BTAF1: variants seen among roughly 807,000 people sequenced by gnomAD.
BTAF1 encodes the protein TATA-binding protein-associated factor 172.
BTAF1 carries 38 observed loss-of-function variants against 227.1 expected under a neutral mutation model. That is an observed-to-expected ratio of 0.17 (90% CI 0.13 to 0.22). BTAF1 has a LOEUF of 0.22. BTAF1 is among the 10% of genes least tolerant of loss of function. The pLI, the probability that BTAF1 is intolerant of heterozygous loss-of-function variation, is 1.00. For synonymous variants in BTAF1, 742 were observed against 751.9 expected (o/e 0.99, Z 0.21); for missense variants, 1,598 against 2,204.0 (o/e 0.73, Z 5.51).
intron 25 of BTAF1, among the ~76,000 whole-genome samples, chr10:92,003,518 G>T (rs1240475363): frequency 1.3e-5 from 2 of 152,130 alleles, no homozygotes; most frequent in Admixed American, 1.3e-4. Context: ...TTCTGTGCCT[G>T]GCTGGTTTCC....
chr10:91,991,279 T>TATATATATATAAAA (rs1554860277), intron 20 of BTAF1, among the ~76,000 whole-genome samples: 31 of 98,436 alleles, frequency 3.1e-4, no homozygotes, highest in African/African-American at 9.2e-4. Context: ...TAAATATATA[T>TATATATATATAAAA]ATATATATAT....
At position 92,008,087 on chromosome 10, in the gene BTAF1, A is replaced by G. The variant is rs1750388753; in HGVS notation, c.3661-36A>G. On this transcript the variant is annotated intron_variant, in intron 25 of 37. Transcript: ENST00000265990. ...TGATCTAAGAATGAAAACTGTGAGTACGTAGTTTTTAATAACTTTAAAAAA... is the reference window on the plus strand; with the variant it reads ...TGATCTAAGAATGAAAACTGTGAGTGCGTAGTTTTTAATAACTTTAAAAAA... 4 of 1,520,902 alleles carry G rather than the reference A, an allele frequency of 2.6e-6. No individual in the cohort carries two copies. In the South Asian group the frequency reaches 5.1e-5, roughly 19 times the overall value. The allele number at this position is 1,520,902 out of a possible 1,614,324, so 94.2% of individuals were successfully genotyped here.
Position 91,951,532 on chromosome 10 carries a change from C to A in BTAF1, c.530C>A (p.Thr177Asn). The change falls in exon 5 of 38, where the codon ACC becomes AAC. Residue 177 changes from threonine to asparagine, a missense_variant. By Grantham distance (65) the Thr-to-Asn change is moderately conservative. This residue lies in a region of BTAF1 where 298 missense variants were observed against 395.2 expected (regional missense o/e 0.75). Transcript: ENST00000265990. ...TTCAATGATGAGGATTTGGATTATA[C>A]CCCAACTTCAGCATCCTTTGTTAAC... ...ELFNDEDLDY[T>N]PTSASFVNKQ... The A allele has an allele frequency of 6.2e-7, 1 of 1,606,686 alleles. No individual in the cohort carries two copies. Among genetic ancestry groups the A allele is most frequent in the South Asian group, 1.1e-5 (1 of 88,586 alleles).
At position 92,010,151 on chromosome 10, in the gene BTAF1, A is replaced by G. The variant is rs189058229; in HGVS notation, c.4104-922A>G. Among the ~76,000 whole-genome samples the G allele has an allele frequency of 3.6e-3, 554 of 152,294 alleles. 4 individuals are homozygous for G. The highest frequency in any genetic ancestry group is 0.013 in the African/African-American group (525 of 41,554). The stretch of plus-strand genomic sequence containing the variant: ...TATTCTCACAGTCACTTTATGAGGT[A>G]GGAATACTGTTGTTCCAATTTGCAA... On this transcript the variant is annotated intron_variant, in intron 28 of 37. Transcript: ENST00000265990.
intron 16 of BTAF1, 145 bp downstream of exon 16, chr10:91,981,937 A>C: frequency 7.4e-7 from 1 of 1,346,416 alleles, no homozygotes; most frequent in Non-Finnish European, 9.9e-7. Flanking sequence ...GGACCCTGAC[A>C]AAATGAATAG....
At chr10:91,969,934 CT>C (rs1475878596) in intron 14 of BTAF1, among the ~76,000 whole-genome samples, 2 of 151,184 alleles carry the variant, frequency 1.3e-5, no homozygotes, top group African/African-American at 4.9e-5. Flanking sequence ...ACTGCCAAGC[CT>C]GGATAACAGA....
intron 7 of BTAF1, 84 bp downstream of exon 7, chr10:91,956,741 G>C (rs1846115760): frequency 6.9e-7 from 1 of 1,451,014 alleles, no homozygotes; most frequent in Admixed American, 2.1e-5. Context: ...TGTAATCCCA[G>C]CACTTTGGGA....
At chr10:91,937,857 A>G (rs1035495777) in intron 2 of BTAF1, among the ~76,000 whole-genome samples, 13 of 152,100 alleles carry the variant, frequency 8.5e-5, no homozygotes, top group African/African-American at 9.7e-5. Context: ...CTGCCAAACT[A>G]TTTTCCAAAA....
chr10:92,027,025 C>A, intron 36 of BTAF1, 105 bp from the exon 37 acceptor site: 1 of 1,212,542 alleles, frequency 8.2e-7, no homozygotes, highest in Non-Finnish European at 1.1e-6. Flanking sequence ...AAAATCCAAC[C>A]CTAATTAGGT....
At chr10:91,972,769 T>G (rs887994102) in intron 14 of BTAF1, among the ~76,000 whole-genome samples, 1 of 152,238 alleles carries the variant, frequency 6.6e-6, no homozygotes, top group Admixed American at 6.5e-5. Context: ...TGGGTCAATT[T>G]ATAAAACTAC....
At position 91,980,699 on chromosome 10, in the gene BTAF1, C is replaced by T. The variant is rs1170423752; in HGVS notation, c.1755+141C>T. ...GAGATCTGCATAATGAGACAGAGAA[C>T]TAGGCTTCTTACATGTAGCATGTAA... On this transcript the variant is annotated intron_variant, in intron 15 of 37. Coordinates refer to ENST00000265990, the MANE Select transcript of BTAF1 (RefSeq NM_003972.3). The T allele has an allele frequency of 2.1e-5, 14 of 652,282 alleles. No individual in the cohort carries two copies. The East Asian group carries it at 3.6e-4, about 17-fold the overall frequency. 40.4% of individuals were successfully genotyped at this position (652,282 alleles called of 1,614,324 possible).
intron 30 of BTAF1, 107 bp downstream of exon 30, chr10:92,011,522 ATTG>A (rs1850290229): frequency 4.6e-6 from 2 of 430,416 alleles, no homozygotes; most frequent in Non-Finnish European, 7.3e-6. Context: ...AAGATTTTTT[ATTG>A]TTGTTATAGT....
intron 14 of BTAF1, among the ~76,000 whole-genome samples, chr10:91,967,544 T>G (rs1056297735): frequency 6.6e-6 from 1 of 152,216 alleles, no homozygotes; most frequent in African/African-American, 2.4e-5. Flanking sequence ...TCATGTGAAT[T>G]AGGAACATTT....
chr10:91,923,916 A>T lies in BTAF1; in HGVS notation c.-161A>T. ...GCGGGGACGAGCTCGGGTAGGCGGCAGGGCAGATGCCCGAGGGCCTGCGCT... is the reference window on the plus strand; with the variant it reads ...GCGGGGACGAGCTCGGGTAGGCGGCTGGGCAGATGCCCGAGGGCCTGCGCT... On this transcript the variant is annotated 5_prime_UTR_variant, in exon 1 of 38. Transcript: ENST00000265990. 3 of 821,312 alleles carry T rather than the reference A, an allele frequency of 3.7e-6. No individual in the cohort carries two copies. 50.9% of individuals were successfully genotyped at this position (821,312 alleles called of 1,614,324 possible). A position where few individuals can be genotyped will look rare whatever the true frequency, so the allele number is the denominator to read the frequency against.
chr10:91,975,354 C>G (rs1296804783), intron 14 of BTAF1, among the ~76,000 whole-genome samples: 1 of 152,178 alleles, frequency 6.6e-6, no homozygotes, highest in Non-Finnish European at 1.5e-5. Flanking sequence ...AAAGAATAGC[C>G]TGAACTAAGA....
chr10:91,977,450 A>G (rs997067246), intron 14 of BTAF1, among the ~76,000 whole-genome samples: 1 of 152,006 alleles, frequency 6.6e-6, no homozygotes, highest in Non-Finnish European at 1.5e-5. Context: ...ATAATACTCC[A>G]TTGTCTAGTT....
chr10:91,951,407 A>G lies in BTAF1; in HGVS notation c.405A>G (p.Glu135=). 6.2e-7 allele frequency: 1 copy of G among 1,608,060 alleles called. No homozygotes were observed. Among genetic ancestry groups the G allele is most frequent in the African/African-American group, 1.3e-5 (1 of 74,682 alleles). The change falls in exon 5 of 38, where the codon GAA becomes GAG. Residue 135 remains glutamate, a synonymous_variant. Transcript: ENST00000265990. ...EFEVQDEKSG[E]VDPKERIARQ... ...GTATTTCTTTTCTGTTGAAAGGTGAAGTGGATCCTAAAGAGAGGATAGCAC... is the reference window on the plus strand; with the variant it reads ...GTATTTCTTTTCTGTTGAAAGGTGAGGTGGATCCTAAAGAGAGGATAGCAC...
At chr10:91,953,476 A>G (rs939836273) in intron 5 of BTAF1, among the ~76,000 whole-genome samples, 11 of 152,220 alleles carry the variant, frequency 7.2e-5, no homozygotes, top group African/African-American at 2.7e-4. Context: ...TTAGGATCAT[A>G]CATTTGTGCC....
At chr10:91,983,677 C>T (rs774350136) in intron 18 of BTAF1, among the ~76,000 whole-genome samples, 8 of 152,196 alleles carry the variant, frequency 5.3e-5, no homozygotes, top group Non-Finnish European at 1.2e-4. Flanking sequence ...CAGAACCCCT[C>T]ATGGCTCACC....
Sources: gnomAD v4.1 joint callset for allele counts (sites outside exome capture counted in the v4.1 genomes callset) on GRCh38, gnomAD v4.1.1 for gene constraint, gnomAD v4.1.1 regional missense constraint, MANE v1.5 for transcripts, NCBI Gene and HGNC (gene_info 2026-07-23, HGNC 2026-07-21) for gene names.